DCAF6: variants seen among roughly 807,000 people sequenced by gnomAD.
DCAF6 encodes the protein DDB1 and CUL4 associated factor 6.
A neutral mutation model predicts 125.1 loss-of-function variants in DCAF6; 54 were observed. The observed-to-expected ratio is 0.43, with a 90% CI of 0.35 to 0.54. The LOEUF is 0.54. Among genes scored for constraint, DCAF6 ranks in the 20% least tolerant of loss-of-function variants. DCAF6 has a pLI of 0.01. For synonymous variants in DCAF6, 371 were observed against 390.4 expected (o/e 0.95, Z 0.58); for missense variants, 934 against 1,161.7 (o/e 0.80, Z 2.85).
chr1:167,932,871 C>T (rs977637554), upstream of DCAF6, among the ~76,000 whole-genome samples: 1 of 150,692 alleles, frequency 6.6e-6, no homozygotes, highest in African/African-American at 2.4e-5. Context: ...AACATAACTT[C>T]AAGATTATTT....
upstream of DCAF6, chr1:167,936,033 A>AG: frequency 3.3e-6 from 2 of 600,612 alleles, no homozygotes. Flanking sequence ...GCGAAGGTTG[A>AG]GGGGGCGGAG....
rs756081187 is a variant in DCAF6, at chr1:168,004,623, C to A, written c.1208C>A (p.Thr403Asn). Residue 403 changes from threonine to asparagine, a missense_variant, in exon 10 of 22, where the codon ACT (threonine) becomes AAT (asparagine). Thr to Asn is a moderately conservative substitution (Grantham distance 65, BLOSUM62 0). Around this residue, in one of 5 missense-constraint regions of DCAF6, gnomAD observed 559 missense variants for 635.5 expected, o/e 0.88. Coordinates refer to ENST00000367840, the MANE Select transcript of DCAF6 (RefSeq NM_001198956.2). ...AGTGAAACTGCAATGGAAGTAGATACTCCAGCTGAACAATTTCTTCAGCCT... is the reference window on the plus strand; with the variant it reads ...AGTGAAACTGCAATGGAAGTAGATAATCCAGCTGAACAATTTCTTCAGCCT... ...EVSETAMEVD[T>N]PAEQFLQPST... 8.7e-6 allele frequency: 14 copies of A among 1,613,204 alleles called. No individual in the cohort carries two copies. The South Asian group carries it at 9.9e-5, about 11-fold the overall frequency.
the DCAF6 span, among the ~76,000 whole-genome samples, chr1:167,883,061 G>C: frequency 6.6e-6 from 1 of 152,136 alleles, no homozygotes; most frequent in East Asian, 1.9e-4. Flanking sequence ...TAGTTGAGAC[G>C]GAGTCTCACG....
chr1:167,903,146 C>T, the DCAF6 span, among the ~76,000 whole-genome samples: 1 of 151,878 alleles, frequency 6.6e-6, no homozygotes, highest in Non-Finnish European at 1.5e-5. Context: ...ACCCCAGCTA[C>T]GTGTGTGGCT....
intron 12 of DCAF6, among the ~76,000 whole-genome samples, chr1:168,037,527 T>C (rs542457158): frequency 6.6e-6 from 1 of 152,180 alleles, no homozygotes; most frequent in Non-Finnish European, 1.5e-5. Flanking sequence ...ATGAAAAATA[T>C]GTAAAGCTCT....
the DCAF6 span, chr1:167,904,930 A>G: frequency 6.2e-7 from 1 of 1,611,380 alleles, no homozygotes; most frequent in African/African-American, 1.3e-5. Flanking sequence ...CAAGCTCTGC[A>G]TGTGAATTCC....
At chr1:167,918,829 G>T in the DCAF6 span, among the ~76,000 whole-genome samples, 6 of 152,066 alleles carry the variant, frequency 3.9e-5, no homozygotes, top group Non-Finnish European at 5.9e-5. Context: ...TCCTGACCTT[G>T]TGGTCTGCCT....
chr1:167,999,181 AT>A (rs1356291470), intron 7 of DCAF6, among the ~76,000 whole-genome samples: 5 of 152,170 alleles, frequency 3.3e-5, no homozygotes, highest in Non-Finnish European at 7.3e-5. Context: ...GCCCAGTAGT[AT>A]TTTGAAAGGA....
rs775876588 is a variant in DCAF6 at position 167,991,299 on chromosome 1, A to G, written c.648A>G (p.Val216=). The G allele has an allele frequency of 7.6e-5, 123 of 1,613,452 alleles. No individual in the cohort carries two copies. In the Admixed American group the frequency reaches 2.0e-3, roughly 26 times the overall value. ...CTGTTGGTTGTTCTGACAGCTCAGT[A>G]CGAATATATGATCGGCGAATGCTGG... is the stretch of plus-strand genomic sequence containing the variant. ...YLAVGCSDSS[V]RIYDRRMLGT... The change falls in exon 6 of 22, where the codon GTA becomes GTG. Residue 216 remains valine (V), a synonymous_variant. Coordinates refer to ENST00000367840, the MANE Select transcript of DCAF6 (RefSeq NM_001198956.2).
At chr1:168,034,268 A>G (rs1248693275) in intron 12 of DCAF6, among the ~76,000 whole-genome samples, 6 of 152,190 alleles carry the variant, frequency 3.9e-5, no homozygotes, top group Admixed American at 3.9e-4. Flanking sequence ...TAATCCCAAC[A>G]CTTTGGAGTG....
chr1:167,900,383 C>T, the DCAF6 span, among the ~76,000 whole-genome samples: 287 of 152,276 alleles, frequency 1.9e-3, 2 homozygotes, highest in African/African-American at 6.5e-3. Context: ...TGGGACCCAC[C>T]TCACTAACAG....
chr1:167,895,685 A>C, the DCAF6 span, among the ~76,000 whole-genome samples: 1 of 152,210 alleles, frequency 6.6e-6, no homozygotes, highest in Admixed American at 6.5e-5. Flanking sequence ...ACTGAAGCGA[A>C]TTCTGGCTGT....
the DCAF6 span, chr1:167,920,442 G>T: frequency 8.9e-7 from 1 of 1,127,010 alleles, no homozygotes; most frequent in Non-Finnish European, 1.3e-6. Flanking sequence ...ATTCCTTTGT[G>T]TGTGGGTGTA....
chr1:167,947,179 GTGA>G (rs1378441482), intron 1 of DCAF6, among the ~76,000 whole-genome samples: 1 of 152,020 alleles, frequency 6.6e-6, no homozygotes, highest in Admixed American at 6.6e-5. Flanking sequence ...ATTATAGTCT[GTGA>G]TGATCTTTGT....
intron 2 of DCAF6, among the ~76,000 whole-genome samples, chr1:167,953,573 A>G (rs896319676): frequency 6.6e-6 from 1 of 152,166 alleles, no homozygotes; most frequent in Non-Finnish European, 1.5e-5. Context: ...CATTGATGAG[A>G]CAAAGAGTAT....
chr1:167,961,508 T>G (rs554182692), intron 2 of DCAF6, among the ~76,000 whole-genome samples: 1 of 152,354 alleles, frequency 6.6e-6, no homozygotes, highest in African/African-American at 2.4e-5. Context: ...CCCAAAATGC[T>G]GGGATTACAG....
intron 16 of DCAF6, 23 bp from the exon 17 acceptor site, chr1:168,050,867 TCA>T: frequency 7.8e-7 from 1 of 1,287,188 alleles, no homozygotes; most frequent in Non-Finnish European, 1.0e-6. Flanking sequence ...GTAAGTGATT[TCA>T]GTTATTGTGT....
At chr1:167,999,062 A>AT (rs1166784465) in intron 7 of DCAF6, among the ~76,000 whole-genome samples, 1 of 152,164 alleles carries the variant, frequency 6.6e-6, no homozygotes, top group Non-Finnish European at 1.5e-5. Context: ...TGTTTCTTAA[A>AT]TAAGACCTGA....
chr1:167,903,855 T>G, the DCAF6 span: 2 of 1,498,992 alleles, frequency 1.3e-6, no homozygotes, highest in Non-Finnish European at 1.9e-6. Context: ...AATTGAAATA[T>G]TCTCAAGCCA....
Sources: gnomAD v4.1 joint callset for allele counts (sites outside exome capture counted in the v4.1 genomes callset) on GRCh38, gnomAD v4.1.1 for gene constraint, gnomAD v4.1.1 regional missense constraint, MANE v1.5 for transcripts, NCBI Gene and HGNC (gene_info 2026-07-23, HGNC 2026-07-21) for gene names.